The following FAM13A variants were observed in gnomAD, a reference collection of about 807,000 sequenced individuals.
FAM13A encodes family with sequence similarity 13 member A.
In FAM13A, 76 loss-of-function variants were observed where a neutral mutation model predicts 129.6. That is an observed-to-expected ratio of 0.59 (90% confidence interval 0.49 to 0.71). The LOEUF (loss-of-function observed/expected upper bound fraction) is 0.71, where lower values mean the gene tolerates loss of function less well. FAM13A is among the 30% of genes least tolerant of loss of function. The probability of loss-of-function intolerance (pLI) is 0.00; values close to 1 mark genes in which losing one functional copy is unlikely to be tolerated. For missense variants in FAM13A, 1,108 were observed against 1,249.3 expected (o/e 0.89, Z 1.70); for synonymous variants, 443 against 449.9 (o/e 0.98, Z 0.20).
At chr4:88,992,818 T>C (rs555899321) in intron 3 of FAM13A, among the ~76,000 whole-genome samples, 10 of 152,336 alleles carry the variant, frequency 6.6e-5, no homozygotes, top group Admixed American at 4.6e-4. Context: ...GAGGAATGAC[T>C]ACAATCCATT....
chr4:88,921,137 A>T (rs888868600), intron 5 of FAM13A, among the ~76,000 whole-genome samples: 4 of 152,204 alleles, frequency 2.6e-5, no homozygotes, highest in Non-Finnish European at 5.9e-5. Context: ...GCAGGATATT[A>T]TCCAGGAGAA....
intron 7 of FAM13A, among the ~76,000 whole-genome samples, chr4:88,833,880 C>A (rs551557138): frequency 6.6e-6 from 1 of 151,256 alleles, no homozygotes; most frequent in East Asian, 1.9e-4. Context: ...AGTGAGACTC[C>A]GTCTTAAAAA....
intron 6 of FAM13A, among the ~76,000 whole-genome samples, chr4:88,853,789 T>C (rs1034781290): frequency 4.6e-5 from 7 of 152,212 alleles, no homozygotes; most frequent in African/African-American, 1.4e-4. Flanking sequence ...CGACACCATC[T>C]AGTCAGCTGC....
At chr4:88,790,094 T>C (rs147410057) in intron 9 of FAM13A, among the ~76,000 whole-genome samples, 92 of 152,246 alleles carry the variant, frequency 6.0e-4, no homozygotes, top group African/African-American at 1.9e-3. Context: ...TGCTTTCTTT[T>C]CTGCATCCCT....
chr4:88,964,924 G>A (rs892982137), intron 4 of FAM13A, among the ~76,000 whole-genome samples: 32 of 151,894 alleles, frequency 2.1e-4, no homozygotes, highest in African/African-American at 3.1e-4. Context: ...TACCGCGCCC[G>A]GCCCACTCTG....
intron 13 of FAM13A, among the ~76,000 whole-genome samples, chr4:88,762,174 T>C (rs754535231): frequency 6.6e-6 from 1 of 152,154 alleles, no homozygotes; most frequent in Non-Finnish European, 1.5e-5. Flanking sequence ...AGTTTTTCTA[T>C]GTTTCAGGAA....
intron 15 of FAM13A, 148 bp from the exon 16 acceptor site, chr4:88,750,057 G>C: frequency 1.4e-6 from 1 of 739,686 alleles, no homozygotes; most frequent in South Asian, 1.9e-5. Context: ...TTGAATAAAA[G>C]ACACTTGAGT....
intron 4 of FAM13A, among the ~76,000 whole-genome samples, chr4:88,980,740 A>G (rs1761557664): frequency 6.6e-6 from 1 of 152,224 alleles, no homozygotes; most frequent in African/African-American, 2.4e-5. Context: ...AGTTTCTAAA[A>G]GTAACTTTTG....
intron 7 of FAM13A, among the ~76,000 whole-genome samples, chr4:88,840,968 C>G (rs2149933104): frequency 6.6e-6 from 1 of 151,890 alleles, no homozygotes; most frequent in South Asian, 2.1e-4. Flanking sequence ...TACCATACAG[C>G]ATATGTAAAA....
chr4:89,036,425 T>C (rs1281043831), intron 1 of FAM13A, among the ~76,000 whole-genome samples: 1 of 152,144 alleles, frequency 6.6e-6, no homozygotes, highest in African/African-American at 2.4e-5. Flanking sequence ...CTTCTAACAG[T>C]GTATGGTCAT....
intron 11 of FAM13A, among the ~76,000 whole-genome samples, chr4:88,773,496 T>C (rs1721091969): frequency 6.6e-6 from 1 of 152,216 alleles, no homozygotes; most frequent in South Asian, 2.1e-4. Flanking sequence ...TAATTTTCTC[T>C]GGACCTAAAT....
chr4:89,000,802 T>C (rs886930865), intron 3 of FAM13A, among the ~76,000 whole-genome samples: 1 of 152,230 alleles, frequency 6.6e-6, no homozygotes, highest in South Asian at 2.1e-4. Context: ...TGACAGATCA[T>C]TTCAGTTAAA....
At chr4:89,032,016 G>A (rs1768751607) in intron 1 of FAM13A, among the ~76,000 whole-genome samples, 1 of 151,888 alleles carries the variant, frequency 6.6e-6, no homozygotes, top group Non-Finnish European at 1.5e-5. Context: ...TCAGGAGATC[G>A]AGACCATCCT....
At chr4:89,042,584 C>T (rs1365996642) in intron 1 of FAM13A, among the ~76,000 whole-genome samples, 1 of 152,074 alleles carries the variant, frequency 6.6e-6, no homozygotes, top group African/African-American at 2.4e-5. Flanking sequence ...AACTTAGAAT[C>T]CATGAATCAT....
intron 6 of FAM13A, among the ~76,000 whole-genome samples, chr4:88,863,794 T>G (rs1295211806): frequency 6.6e-6 from 1 of 152,182 alleles, no homozygotes; most frequent in East Asian, 1.9e-4. Context: ...TTTATGTTTT[T>G]TTTTCTTTTA....
intron 21 of FAM13A, 39 bp downstream of exon 21, chr4:88,737,433 G>A: frequency 1.9e-6 from 3 of 1,555,818 alleles, no homozygotes; most frequent in Non-Finnish European, 2.7e-6. Flanking sequence ...GAGGGAACTG[G>A]TGCGGATTTA....
At chr4:88,840,829 T>C (rs1735686648) in intron 7 of FAM13A, among the ~76,000 whole-genome samples, 1 of 152,200 alleles carries the variant, frequency 6.6e-6, no homozygotes, top group South Asian at 2.1e-4. Context: ...AATTAGTTTT[T>C]TGAAAAATTA....
chr4:88,899,135 CGTAT>C (rs1561284207), intron 6 of FAM13A, among the ~76,000 whole-genome samples: 159 of 150,856 alleles, frequency 1.1e-3, no homozygotes, highest in African/African-American at 3.7e-3. Context: ...TACATACATA[CGTAT>C]ATATATGATG....
intron 6 of FAM13A, among the ~76,000 whole-genome samples, chr4:88,872,998 C>T (rs1347432226): frequency 2.0e-5 from 3 of 152,182 alleles, no homozygotes; most frequent in Non-Finnish European, 4.4e-5. Flanking sequence ...CTCACAACCA[C>T]ACTCCTATAT....
Sources: gnomAD v4.1 joint callset for allele counts (sites outside exome capture counted in the v4.1 genomes callset) on GRCh38, gnomAD v4.1.1 for gene constraint, MANE v1.5 for transcripts, NCBI Gene and HGNC (gene_info 2026-07-23, HGNC 2026-07-21) for gene names.